The following SPRED2 variants were observed in gnomAD, a reference collection of about 807,000 sequenced individuals.
The protein encoded by SPRED2 is sprouty related EVH1 domain containing 2.
In SPRED2, 47 loss-of-function variants were observed where a neutral mutation model predicts 43.0. The ratio of observed to expected loss-of-function variants is 1.09; its 90% CI spans 0.87 to 1.40. The LOEUF (loss-of-function observed/expected upper bound fraction) is 1.40, where lower values mean the gene tolerates loss of function less well. Ranked by LOEUF, SPRED2 falls within the 40% of genes most tolerant of loss-of-function variation. The probability of loss-of-function intolerance (pLI) is 0.00; values close to 1 mark genes in which losing one functional copy is unlikely to be tolerated. For synonymous variants in SPRED2, 225 were observed against 225.7 expected (o/e 1.00, Z 0.03); for missense variants, 561 against 586.4 (o/e 0.96, Z 0.45).
intron 1 of SPRED2, among the ~76,000 whole-genome samples, chr2:65,395,416 AAGTT>A: frequency 6.6e-6 from 1 of 152,168 alleles, no homozygotes; most frequent in Non-Finnish European, 1.5e-5. Context: ...TACGCAGTGG[AAGTT>A]AGAAGCCTCT....
chr2:65,337,504 C>T (rs1284634569), intron 2 of SPRED2, among the ~76,000 whole-genome samples: 3 of 152,150 alleles, frequency 2.0e-5, no homozygotes, highest in African/African-American at 7.2e-5. Flanking sequence ...TCCCCTCCAC[C>T]GTCAACATCC....
chr2:65,401,420 A>G (rs986890439), intron 1 of SPRED2, among the ~76,000 whole-genome samples: 7 of 152,078 alleles, frequency 4.6e-5, no homozygotes, highest in Non-Finnish European at 8.8e-5. Flanking sequence ...TTACAAACAG[A>G]TTTACAGTTA....
intron 1 of SPRED2, among the ~76,000 whole-genome samples, chr2:65,393,551 T>A (rs1344529948): frequency 6.6e-6 from 1 of 152,052 alleles, no homozygotes; most frequent in South Asian, 2.1e-4. Context: ...GCCAGGCTGG[T>A]CTCGAACTCC....
intron 1 of SPRED2, among the ~76,000 whole-genome samples, chr2:65,370,367 C>G (rs552275453): frequency 1.6e-4 from 25 of 152,320 alleles, no homozygotes; most frequent in Admixed American, 5.2e-4. Flanking sequence ...TTTAGACTCT[C>G]TCAGAGGTGG....
intron 1 of SPRED2, among the ~76,000 whole-genome samples, chr2:65,427,968 T>A (rs1676593670): frequency 6.6e-6 from 1 of 152,236 alleles, no homozygotes; most frequent in Admixed American, 6.5e-5. Context: ...ATAATAGGGA[T>A]AATAATACCA....
chr2:65,354,131 T>C (rs765960815), intron 1 of SPRED2, among the ~76,000 whole-genome samples: 2 of 152,170 alleles, frequency 1.3e-5, no homozygotes, highest in African/African-American at 2.4e-5. Flanking sequence ...GTTGGGAAAA[T>C]ACCGGCAGGC....
chr2:65,407,726 C>A lies in SPRED2; in HGVS notation c.26+24236G>T, dbSNP rs116778812. ...GAGACGCGGTATCCACTCATGCCTC[C>A]GTGCACACAGGTAGACAGAAAAGGG... On this transcript the variant is annotated intron_variant, in intron 1 of 5. Coordinates refer to ENST00000356388, the MANE Select transcript of SPRED2 (RefSeq NM_181784.3). Among the ~76,000 whole-genome samples, 226 of 152,218 alleles carry A rather than the reference C, an allele frequency of 1.5e-3. 1 individual carries two copies. The highest frequency in any genetic ancestry group is 5.3e-3 in the African/African-American group (220 of 41,544).
At chr2:65,381,797 C>T (rs566474844) in intron 1 of SPRED2, among the ~76,000 whole-genome samples, 1 of 152,308 alleles carries the variant, frequency 6.6e-6, no homozygotes, top group East Asian at 1.9e-4. Context: ...ACAGGTTCTG[C>T]CTGGACCTCT....
intron 4 of SPRED2, among the ~76,000 whole-genome samples, chr2:65,317,558 C>G (rs1410208066): frequency 1.2e-5 from 1 of 85,652 alleles, no homozygotes; most frequent in Non-Finnish European, 2.6e-5. Flanking sequence ...ACAACAACAA[C>G]AAAAACAAAA....
intron 1 of SPRED2, among the ~76,000 whole-genome samples, chr2:65,389,243 C>CTT (rs11335406): frequency 0.25 from 35,168 of 139,980 alleles, 5,329 homozygotes; most frequent in East Asian, 0.59. Flanking sequence ...CATGCTCAAC[C>CTT]TTTTTTTTTT....
chr2:65,412,146 G>GAAAGAAAAAGAAAAAGAA (rs60221852), intron 1 of SPRED2, among the ~76,000 whole-genome samples: 2 of 149,800 alleles, frequency 1.3e-5, no homozygotes, highest in Admixed American at 6.7e-5. Flanking sequence ...AGAAAAGAAA[G>GAAAGAAAAAGAAAAAGAA]AAAGAAAAAG....
chr2:65,358,549 T>C (rs1270052019), intron 1 of SPRED2, among the ~76,000 whole-genome samples: 1 of 152,172 alleles, frequency 6.6e-6, no homozygotes, highest in African/African-American at 2.4e-5. Context: ...TAGGAAAAGG[T>C]AACAAAGCAA....
chr2:65,398,360 A>T (rs1675805754), intron 1 of SPRED2, among the ~76,000 whole-genome samples: 1 of 152,228 alleles, frequency 6.6e-6, no homozygotes, highest in African/African-American at 2.4e-5. Flanking sequence ...CCCCAAAGCA[A>T]ATGCAACAAA....
chr2:65,420,560 T>C lies in SPRED2; in HGVS notation c.26+11402A>G, dbSNP rs1021901442. ...CATTTTAACCCTATTCAAATTTGGG[T>C]AAATGGTTTAATATGCATGCTAATA... is the stretch of plus-strand genomic sequence containing the variant. On this transcript the variant is annotated intron_variant, in intron 1 of 5. Coordinates refer to ENST00000356388, the MANE Select transcript of SPRED2 (RefSeq NM_181784.3). 1.4e-4 allele frequency among the ~76,000 whole-genome samples: 22 copies of C among 152,360 alleles called. No individual in the cohort carries two copies. In the East Asian group the frequency reaches 4.0e-3, roughly 28 times the overall value.
At chr2:65,356,552 TTTTTTTG>T (rs1674656185) in intron 1 of SPRED2, among the ~76,000 whole-genome samples, 1 of 139,962 alleles carries the variant, frequency 7.1e-6, no homozygotes, top group South Asian at 2.4e-4. Flanking sequence ...TTTTTTTTTT[TTTTTTTG>T]TGTGTGTGTA....
At chr2:65,402,200 G>A (rs1197404627) in intron 1 of SPRED2, among the ~76,000 whole-genome samples, 2 of 141,102 alleles carry the variant, frequency 1.4e-5, no homozygotes, top group African/African-American at 5.2e-5. Flanking sequence ...AATCACTTGA[G>A]CCCGGGAGGC....
intron 1 of SPRED2, among the ~76,000 whole-genome samples, chr2:65,389,675 AT>A (rs1470479238): frequency 2.0e-5 from 3 of 148,104 alleles, no homozygotes; most frequent in Non-Finnish European, 4.6e-5. Flanking sequence ...TGACAAAACA[AT>A]TATAGAATTT....
intron 1 of SPRED2, among the ~76,000 whole-genome samples, chr2:65,372,693 G>A (rs1305627037): frequency 1.3e-5 from 2 of 152,190 alleles, no homozygotes; most frequent in Non-Finnish European, 2.9e-5. Flanking sequence ...ACCATTTAAT[G>A]TATTTAGCAA....
chr2:65,341,927 A>T (rs919102294), intron 2 of SPRED2, among the ~76,000 whole-genome samples: 1 of 152,036 alleles, frequency 6.6e-6, no homozygotes, highest in Non-Finnish European at 1.5e-5. Context: ...TATAAAAATA[A>T]GAACTAAAAG....
Sources: gnomAD v4.1 joint callset for allele counts (sites outside exome capture counted in the v4.1 genomes callset) on GRCh38, gnomAD v4.1.1 for gene constraint, MANE v1.5 for transcripts, NCBI Gene and HGNC (gene_info 2026-07-23, HGNC 2026-07-21) for gene names.